KANK1: variants seen among roughly 807,000 people sequenced by gnomAD.
KANK1 encodes the protein KN motif and ankyrin repeat domain-containing protein 1.
KANK1 carries 109 observed loss-of-function variants against 106.2 expected under a neutral mutation model. The observed-to-expected ratio is 1.03, with a 90% CI of 0.88 to 1.20. KANK1 has a LOEUF of 1.20. KANK1 is among the 50% of genes most tolerant of loss of function. KANK1 has a pLI of 0.00. For synonymous variants in KANK1, 873 were observed against 652.2 expected (o/e 1.34, Z -5.16); for missense variants, 2,399 against 1,710.7 (o/e 1.40, Z -7.10).
At chr9:709,295 C>G (rs1589090058) in intron 2 of KANK1, among the ~76,000 whole-genome samples, 1 of 152,194 alleles carries the variant, frequency 6.6e-6, no homozygotes, top group South Asian at 2.1e-4. Context: ...GAGTTAATCA[C>G]TAAATATCCC....
chr9:489,936 G>A (rs780415010), intron 3 of KANK1, among the ~76,000 whole-genome samples: 4 of 152,066 alleles, frequency 2.6e-5, no homozygotes, highest in Admixed American at 1.3e-4. Flanking sequence ...GAACAAAACC[G>A]TACTAAGTAC....
rs184494552 is a variant in KANK1 at position 509,109 on chromosome 9, T to A, written c.-84+4355T>A. 4.0e-3 allele frequency among the ~76,000 whole-genome samples: 609 copies of A among 152,274 alleles called. 2 individuals carry two copies. The highest frequency in any genetic ancestry group is 4.6e-3 in the Non-Finnish European group (312 of 68,014). On this transcript the variant is annotated intron_variant, in intron 1 of 11. Coordinates refer to ENST00000382297, the MANE Select transcript of KANK1 (RefSeq NM_015158.5). ...GACAAAATATGACCTATTTATTATT[T>A]TTTTTTTGGAGGCGGAGTCTTGCTC...
chr9:568,209 T>A (rs1333906635), intron 1 of KANK1, among the ~76,000 whole-genome samples: 1 of 152,166 alleles, frequency 6.6e-6, no homozygotes, highest in Non-Finnish European at 1.5e-5. Context: ...TTCTCAAGAT[T>A]TTTTACACCA....
At chr9:586,858 C>T (rs925745479) in intron 1 of KANK1, among the ~76,000 whole-genome samples, 34 of 152,272 alleles carry the variant, frequency 2.2e-4, no homozygotes, top group African/African-American at 8.2e-4. Context: ...TTCTGGCCTG[C>T]CCCTGCACCC....
intron 2 of KANK1, among the ~76,000 whole-genome samples, chr9:678,012 C>T (rs1022607404): frequency 9.8e-5 from 15 of 152,290 alleles, no homozygotes; most frequent in Non-Finnish European, 1.3e-4. Flanking sequence ...TTGAAGACAA[C>T]AGCAGGAAGT....
At chr9:586,328 G>A (rs1823457835) in intron 1 of KANK1, among the ~76,000 whole-genome samples, 2 of 152,194 alleles carry the variant, frequency 1.3e-5, no homozygotes, top group African/African-American at 4.8e-5. Flanking sequence ...GGAATAGGAT[G>A]AAAGCAATTT....
At chr9:715,200 A>C (rs546953708) in intron 3 of KANK1, among the ~76,000 whole-genome samples, 18 of 152,306 alleles carry the variant, frequency 1.2e-4, no homozygotes, top group African/African-American at 4.3e-4. Flanking sequence ...TTAGAATCCA[A>C]AGAGTCTAAT....
chr9:505,303 C>T (rs1157140926), intron 1 of KANK1, among the ~76,000 whole-genome samples: 1 of 152,090 alleles, frequency 6.6e-6, no homozygotes, highest in Non-Finnish European at 1.5e-5. Flanking sequence ...CTCGGGTCGC[C>T]CTCCGCCAAC....
intron 1 of KANK1, among the ~76,000 whole-genome samples, chr9:564,227 T>C (rs557612812): frequency 1.7e-3 from 265 of 152,052 alleles, no homozygotes; most frequent in Non-Finnish European, 3.0e-3. Flanking sequence ...GCCCGGCTAA[T>C]TTTTTTGTGT....
intron 1 of KANK1, among the ~76,000 whole-genome samples, chr9:547,951 T>A: frequency 6.6e-6 from 1 of 152,210 alleles, no homozygotes; most frequent in East Asian, 1.9e-4. Context: ...GACTTTTTTT[T>A]ATGTTTTTTT....
At chr9:666,901 CTTTTTTTTTTTTT>C (rs35149316) in intron 1 of KANK1, among the ~76,000 whole-genome samples, 1 of 53,494 alleles carries the variant, frequency 1.9e-5, no homozygotes, top group African/African-American at 8.7e-5. Flanking sequence ...CTATTGTTGT[CTTTTTTTTTTTTT>C]TTTTTTTTTT....
intron 1 of KANK1, among the ~76,000 whole-genome samples, chr9:576,124 A>G (rs1293656725): frequency 6.6e-6 from 1 of 152,254 alleles, no homozygotes; most frequent in Non-Finnish European, 1.5e-5. Context: ...TTAAATTTTT[A>G]GGCCCTATCA....
intron 1 of KANK1, among the ~76,000 whole-genome samples, chr9:671,174 A>G (rs1325722486): frequency 4.6e-5 from 7 of 151,128 alleles, no homozygotes; most frequent in Non-Finnish European, 1.0e-4. Flanking sequence ...CTTAGTTTTT[A>G]TGCATTTTTG....
intron 1 of KANK1, among the ~76,000 whole-genome samples, chr9:519,828 AG>A (rs2059465496): frequency 6.6e-6 from 1 of 151,808 alleles, no homozygotes; most frequent in South Asian, 2.1e-4. Context: ...CAAGTCATTT[AG>A]ATTTTTCTCC....
chr9:622,651 C>T (rs563183961), intron 1 of KANK1, among the ~76,000 whole-genome samples: 20 of 152,256 alleles, frequency 1.3e-4, no homozygotes, highest in Non-Finnish European at 2.1e-4. Flanking sequence ...TGCCTGTAAT[C>T]CCAGCACTTT....
In KANK1 at chr9:545,001, G is replaced by C. The variant is rs574639059; in HGVS notation, c.-84+40247G>C. 1.3e-4 allele frequency among the ~76,000 whole-genome samples: 20 copies of C among 152,296 alleles called. No homozygotes were observed. In the Middle Eastern group the frequency reaches 0.02, roughly 155 times the overall value. On this transcript the variant is annotated intron_variant, in intron 1 of 11. Coordinates refer to ENST00000382297, the MANE Select transcript of KANK1 (RefSeq NM_015158.5). ...CGGAGGCACCTGCAGTAATCCCCCA[G>C]TGAGAGACACTGTAGCCTGAGCTGA...
At chr9:707,256 G>C in intron 2 of KANK1, 1 of 984,850 alleles carries the variant, frequency 1.0e-6, no homozygotes, top group Non-Finnish European at 1.2e-6. Context: ...TGGTAGGTGA[G>C]CTGCGAGCGG....
chr9:498,723 G>C (rs1305611234), intron 3 of KANK1, among the ~76,000 whole-genome samples: 1 of 152,214 alleles, frequency 6.6e-6, no homozygotes, highest in Non-Finnish European at 1.5e-5. Flanking sequence ...AAGCCACAGT[G>C]AGATACTACT....
At chr9:732,662 T>G (rs1269319743) in intron 6 of KANK1, 45 bp downstream of exon 6, 1 of 1,596,536 alleles carries the variant, frequency 6.3e-7, no homozygotes, top group Admixed American at 1.7e-5. Context: ...CCACATTTAA[T>G]GTACTTTGGC....
Sources: allele counts gnomAD v4.1 joint callset (sites outside exome capture counted in the v4.1 genomes callset), GRCh38; gene constraint gnomAD v4.1.1; transcripts MANE v1.5; gene names NCBI Gene and HGNC (gene_info 2026-07-23, HGNC 2026-07-21).